EFHC2: variants seen among roughly 807,000 people sequenced by gnomAD.
The protein encoded by EFHC2 is EF-hand domain-containing family member C2.
Under a neutral mutation model 52.7 loss-of-function variants are expected in EFHC2, and 18 were observed. The ratio of observed to expected loss-of-function variants is 0.34; its 90% CI spans 0.24 to 0.51. The LOEUF (loss-of-function observed/expected upper bound fraction) is 0.51, where lower values mean the gene tolerates loss of function less well. Among genes scored for constraint, EFHC2 ranks in the 20% least tolerant of loss-of-function variants. The pLI, the probability that EFHC2 is intolerant of heterozygous loss-of-function variation, is 0.97. For missense variants in EFHC2, 513 were observed against 562.5 expected, an observed-to-expected ratio of 0.91 and a Z score of 0.89; for synonymous variants, 203 against 204.1, an observed-to-expected ratio of 0.99 and a Z score of 0.04.
chrX:44,262,057 G>A (rs769982927), intron 3 of EFHC2, among the ~76,000 whole-genome samples: 1 of 111,010 alleles, frequency 9.0e-6, no homozygotes, highest in African/African-American at 3.3e-5. Flanking sequence ...TTCTCCTCTT[G>A]AGAATATGTT....
chrX:44,243,806 C>A (rs112198057), intron 7 of EFHC2, among the ~76,000 whole-genome samples: 13 of 111,825 alleles, frequency 1.2e-4, no homozygotes, highest in African/African-American at 3.6e-4. Flanking sequence ...AAAGAAAAGT[C>A]TTGGAAATAA....
At chrX:44,325,657 T>G (rs1174536662) in intron 1 of EFHC2, among the ~76,000 whole-genome samples, 1 of 108,525 alleles carries the variant, frequency 9.2e-6, no homozygotes, top group African/African-American at 3.4e-5. Context: ...GCTGTTGATC[T>G]GTTTGCAACC....
At chrX:44,150,803 T>C (rs2036564540) in intron 14 of EFHC2, among the ~76,000 whole-genome samples, 1 of 111,531 alleles carries the variant, frequency 9.0e-6, no homozygotes, top group African/African-American at 3.3e-5. Context: ...AGTTGTGTCC[T>C]CATGCAAAAG....
At chrX:44,216,488 A>G (rs1199110662) in intron 11 of EFHC2, among the ~76,000 whole-genome samples, 1 of 111,754 alleles carries the variant, frequency 8.9e-6, no homozygotes, top group Non-Finnish European at 1.9e-5. Context: ...GACAATGCAC[A>G]ACCTGCATCT....
intron 11 of EFHC2, among the ~76,000 whole-genome samples, chrX:44,203,230 C>T (rs1320243084): frequency 9.0e-6 from 1 of 111,045 alleles, no homozygotes; most frequent in Non-Finnish European, 1.9e-5. Context: ...AAGTGCTTGT[C>T]ACACTTTTCC....
chrX:44,240,023 C>T (rs1351465683), intron 8 of EFHC2, among the ~76,000 whole-genome samples: 2 of 112,038 alleles, frequency 1.8e-5, no homozygotes, highest in East Asian at 5.6e-4. Flanking sequence ...ATAATAATAG[C>T]ACCAAGTACA....
chrX:44,312,289 A>T (rs958607302), intron 2 of EFHC2, among the ~76,000 whole-genome samples: 4 of 112,249 alleles, frequency 3.6e-5, no homozygotes, highest in African/African-American at 9.7e-5. Flanking sequence ...TATGTTAATT[A>T]GCTCAATTTA....
intron 13 of EFHC2, among the ~76,000 whole-genome samples, chrX:44,175,041 G>A (rs1352944762): frequency 9.0e-6 from 1 of 110,937 alleles, no homozygotes; most frequent in Non-Finnish European, 1.9e-5. Context: ...TTCTCCTTTT[G>A]TCTCAAACAA....
At chrX:44,211,745 A>G (rs778389482) in intron 11 of EFHC2, among the ~76,000 whole-genome samples, 1 of 104,376 alleles carries the variant, frequency 9.6e-6, no homozygotes, top group South Asian at 4.6e-4. Flanking sequence ...GGTGGCGGGC[A>G]CCAGTAGTCC....
chrX:44,226,047 G>A (rs1051191760), intron 11 of EFHC2, among the ~76,000 whole-genome samples: 2 of 111,931 alleles, frequency 1.8e-5, no homozygotes, highest in Non-Finnish European at 3.8e-5. Context: ...AAAGCATTTA[G>A]CACGATGCTT....
rs924375776 is a variant in EFHC2, at chrX:44,331,402, C to T, written c.42+12145G>A. ...GGTTGGGGGAGTTGGTGGAAGGGAG[C>T]GAGGTGTGGTTATAAAAGGACAACA... On this transcript the variant is annotated intron_variant, in intron 1 of 14. Coordinates refer to ENST00000420999, the MANE Select transcript of EFHC2 (RefSeq NM_025184.4). Among the ~76,000 whole-genome samples, 17 of 111,460 alleles carry T rather than the reference C, an allele frequency of 1.5e-4. No individual in the cohort carries two copies. The Admixed American group carries it at 1.5e-3, about 10-fold the overall frequency.
chrX:44,189,044 C>T (rs760986923), intron 11 of EFHC2, among the ~76,000 whole-genome samples: 4 of 101,736 alleles, frequency 3.9e-5, no homozygotes, highest in East Asian at 3.2e-4. Context: ...TGCTTGAACC[C>T]GGGAGGCGGA....
intron 7 of EFHC2, 95 bp downstream of exon 7, chrX:44,248,177 T>C (rs2037414690): frequency 2.6e-6 from 2 of 763,471 alleles, no homozygotes; most frequent in East Asian, 3.7e-5. Flanking sequence ...GTAGCTATTA[T>C]GAGCCTAGCA....
At chrX:44,204,718 GA>G (rs1360415637) in intron 11 of EFHC2, among the ~76,000 whole-genome samples, 1 of 111,833 alleles carries the variant, frequency 8.9e-6, no homozygotes, top group African/African-American at 3.2e-5. Context: ...AAACCTTTGA[GA>G]AATATGGGAT....
At chrX:44,150,119 T>C (rs1461854880) in intron 14 of EFHC2, among the ~76,000 whole-genome samples, 1 of 112,287 alleles carries the variant, frequency 8.9e-6, no homozygotes, top group African/African-American at 3.2e-5. Flanking sequence ...AATATGACTG[T>C]CAAGGTTAAT....
At chrX:44,152,662 A>G (rs2036579170) in intron 14 of EFHC2, among the ~76,000 whole-genome samples, 1 of 109,760 alleles carries the variant, frequency 9.1e-6, no homozygotes, top group Admixed American at 9.9e-5. Flanking sequence ...TACCACATGG[A>G]ACTTGGTAAA....
At chrX:44,203,601 ATT>A (rs1159114777) in intron 11 of EFHC2, among the ~76,000 whole-genome samples, 2 of 110,553 alleles carry the variant, frequency 1.8e-5, no homozygotes, top group East Asian at 5.7e-4. Context: ...TCATTTTTTT[ATT>A]TGAGATAGAG....
intron 11 of EFHC2, among the ~76,000 whole-genome samples, chrX:44,196,559 G>GT (rs2036967242): frequency 8.9e-6 from 1 of 111,962 alleles, no homozygotes. Flanking sequence ...CTCAGAAAGT[G>GT]TTTTTTAATC....
intron 2 of EFHC2, 81 bp from the exon 3 acceptor site, chrX:44,272,917 CTTT>C: frequency 1.1e-6 from 1 of 877,563 alleles, no homozygotes; most frequent in Non-Finnish European, 1.6e-6. Context: ...TGCCTGTATA[CTTT>C]TTGTTAATAT....
Sources: gnomAD v4.1 joint callset for allele counts (sites outside exome capture counted in the v4.1 genomes callset) on GRCh38, gnomAD v4.1.1 for gene constraint, MANE v1.5 for transcripts, NCBI Gene and HGNC (gene_info 2026-07-23, HGNC 2026-07-21) for gene names.